Variants in AFTPH observed in about 807,000 individuals in gnomAD.
The protein encoded by AFTPH is aftiphilin, also known as aftiphilin protein.
In AFTPH, 7 loss-of-function variants were observed where a neutral mutation model predicts 72.5. The ratio of observed to expected loss-of-function variants is 0.10; its 90% CI spans 0.05 to 0.18. The LOEUF (loss-of-function observed/expected upper bound fraction) is 0.18, where lower values mean the gene tolerates loss of function less well. Among genes scored for constraint, AFTPH ranks in the 10% least tolerant of loss-of-function variants. The pLI is 1.00. For synonymous variants in AFTPH, 337 were observed against 370.1 expected (o/e 0.91, Z 1.03); for missense variants, 979 against 1,060.5 (o/e 0.92, Z 1.07).
rs1158475044 is a variant in AFTPH at position 64,555,750 on chromosome 2, TAA to T, written c.1935+2343_1935+2344del. Among the ~76,000 whole-genome samples the T allele has an allele frequency of 2.0e-5, 3 of 152,144 alleles. No homozygotes were observed. In the South Asian group the frequency reaches 6.2e-4, roughly 31 times the overall value. Reference sequence around the variant, plus strand: ...AAGAAAGTTGAAGTAGTGAAATGGATAAACCCTGCTGAGTAAGTGACTGAGTC... The same window carrying T: ...AAGAAAGTTGAAGTAGTGAAATGGATACCCTGCTGAGTAAGTGACTGAGTC... On this transcript the variant is annotated intron_variant, in intron 2 of 8. Transcript: ENST00000238856.
intron 2 of AFTPH, among the ~76,000 whole-genome samples, chr2:64,562,582 A>T (rs1671807583): frequency 6.6e-6 from 1 of 152,094 alleles, no homozygotes; most frequent in South Asian, 2.1e-4. Context: ...AGGGAAGTTA[A>T]CCTCTTTCTG....
At chr2:64,569,298 G>C in intron 4 of AFTPH, 80 bp downstream of exon 4, 1 of 1,493,970 alleles carries the variant, frequency 6.7e-7, no homozygotes, top group Non-Finnish European at 9.0e-7. Flanking sequence ...TGTTTAAGCT[G>C]TGGTAAGCTA....
chr2:64,570,312 A>G lies in AFTPH; in HGVS notation c.2271+633A>G, dbSNP rs1475062356. On this transcript the variant is annotated intron_variant, in intron 5 of 8. Coordinates refer to ENST00000238856, the Ensembl canonical transcript of AFTPH. ...TATCGATGAATAAAAATGCCCCATC[A>G]AACTAAAAGCATTACTATAACCGTT... 2.6e-5 allele frequency among the ~76,000 whole-genome samples: 4 copies of G among 152,202 alleles called. No homozygotes were observed. In the East Asian group the frequency reaches 7.7e-4, roughly 29 times the overall value.
chr2:64,569,702 A>T (rs763753105), intron 5 of AFTPH, 23 bp downstream of exon 5: 1 of 1,607,030 alleles, frequency 6.2e-7, no homozygotes, highest in Non-Finnish European at 8.5e-7. Flanking sequence ...ATCTCTCTGC[A>T]TGTATTTATC....
At chr2:64,550,560 T>C (rs984706812) in intron 1 of AFTPH, among the ~76,000 whole-genome samples, 3 of 152,058 alleles carry the variant, frequency 2.0e-5, no homozygotes, top group African/African-American at 7.2e-5. Flanking sequence ...GGGAAGAGTG[T>C]GACTATTAAG....
exon 2 of AFTPH, chr2:64,552,469 C>T: frequency 6.2e-7 from 1 of 1,613,998 alleles, no homozygotes; most frequent in South Asian, 1.1e-5. Context: ...GGTGTTCAGT[C>T]AAAGGCTTGG....
chr2:64,552,981 A>T, exon 2 of AFTPH: 1 of 1,614,148 alleles, frequency 6.2e-7, no homozygotes. Context: ...CCTAAAACAG[A>T]CTTCTGATAA....
At chr2:64,560,827 C>T (rs1169020927) in intron 2 of AFTPH, among the ~76,000 whole-genome samples, 4 of 151,912 alleles carry the variant, frequency 2.6e-5, no homozygotes, top group Admixed American at 6.6e-5. Flanking sequence ...GACCCGAGAT[C>T]GTACCACTGC....
intron 8 of AFTPH, among the ~76,000 whole-genome samples, chr2:64,588,771 G>C (rs970139265): frequency 6.6e-6 from 1 of 152,100 alleles, no homozygotes; most frequent in Non-Finnish European, 1.5e-5. Flanking sequence ...TTTTAGTAGA[G>C]ACAAGGTCTC....
At chr2:64,583,638 A>C (rs560140772) in intron 7 of AFTPH, among the ~76,000 whole-genome samples, 48 of 152,310 alleles carry the variant, frequency 3.2e-4, no homozygotes, top group African/African-American at 1.1e-3. Flanking sequence ...AGAGGGAGGT[A>C]CTTTGGGCTC....
At chr2:64,556,212 T>G (rs756201220) in intron 2 of AFTPH, among the ~76,000 whole-genome samples, 1 of 152,176 alleles carries the variant, frequency 6.6e-6, no homozygotes, top group Non-Finnish European at 1.5e-5. Flanking sequence ...GGTCTCGAAC[T>G]CCTGACCTCA....
chr2:64,551,188 C>T (rs1381767347), intron 1 of AFTPH, among the ~76,000 whole-genome samples: 1 of 151,956 alleles, frequency 6.6e-6, no homozygotes, highest in African/African-American at 2.4e-5. Flanking sequence ...AATGTACTAC[C>T]AGTGCTCTTG....
At chr2:64,574,778 T>C (rs914339538) in intron 6 of AFTPH, among the ~76,000 whole-genome samples, 1 of 152,336 alleles carries the variant, frequency 6.6e-6, no homozygotes, top group African/African-American at 2.4e-5. Flanking sequence ...TCTCCGTAGG[T>C]AGAATCTGTT....
At chr2:64,590,407 T>C (rs993142820) in intron 8 of AFTPH, among the ~76,000 whole-genome samples, 2 of 152,212 alleles carry the variant, frequency 1.3e-5, no homozygotes, top group Non-Finnish European at 2.9e-5. Context: ...CTAGGTGTTA[T>C]ATCACATCAG....
At chr2:64,592,073 T>C in exon 9 of AFTPH, 1 of 1,589,700 alleles carries the variant, frequency 6.3e-7, no homozygotes, top group Non-Finnish European at 8.6e-7. Context: ...CTTTTCCTTT[T>C]TTCCATCCCT....
At chr2:64,566,628 C>T (rs1672106554) in intron 2 of AFTPH, among the ~76,000 whole-genome samples, 1 of 151,784 alleles carries the variant, frequency 6.6e-6, no homozygotes, top group East Asian at 1.9e-4. Flanking sequence ...GTAAATTGGG[C>T]TAAGTTGGAA....
At chr2:64,528,415 T>A (rs1294184817) in intron 1 of AFTPH, among the ~76,000 whole-genome samples, 1 of 152,182 alleles carries the variant, frequency 6.6e-6, no homozygotes, top group Non-Finnish European at 1.5e-5. Context: ...TTTATGTATA[T>A]ATGTATGTAC....
chr2:64,532,393 T>C (rs1378671142), intron 1 of AFTPH, among the ~76,000 whole-genome samples: 1 of 152,190 alleles, frequency 6.6e-6, no homozygotes, highest in East Asian at 1.9e-4. Context: ...AATTTGACTT[T>C]TAAAAAGATT....
intron 1 of AFTPH, among the ~76,000 whole-genome samples, chr2:64,542,421 G>T (rs1670310219): frequency 6.6e-6 from 1 of 152,164 alleles, no homozygotes; most frequent in Non-Finnish European, 1.5e-5. Context: ...CTAAATTCTT[G>T]TGGTTGTTCA....
Sources: allele counts gnomAD v4.1 joint callset (sites outside exome capture counted in the v4.1 genomes callset), GRCh38; gene constraint gnomAD v4.1.1; transcripts MANE v1.5; gene names NCBI Gene and HGNC (gene_info 2026-07-23, HGNC 2026-07-21).